Variants in MTARC1 observed in about 807,000 individuals in gnomAD.
MTARC1 encodes mitochondrial amidoxime-reducing component 1.
Under a neutral mutation model 33.6 loss-of-function variants are expected in MTARC1, and 24 were observed. The ratio of observed to expected loss-of-function variants is 0.72; its 90% confidence interval spans 0.52 to 1.01. MTARC1 has a LOEUF of 1.01. Ranked by LOEUF, MTARC1 falls within the 50% of genes least tolerant of loss-of-function variation. MTARC1 has a pLI of 0.00. For synonymous variants in MTARC1, 187 were observed against 189.5 expected (o/e 0.99, Z 0.11); for missense variants, 417 against 445.7 (o/e 0.94, Z 0.58).
intron 6 of MTARC1, 131 bp downstream of exon 6, chr1:220,805,405 C>A: frequency 1.1e-6 from 1 of 924,372 alleles, no homozygotes; most frequent in Non-Finnish European, 1.7e-6. Flanking sequence ...AAGAGGGTCC[C>A]ATTAACGAGA....
rs1195906812 is a variant in MTARC1, at chr1:220,816,264, C to T, written c.*2846C>T. On this transcript the variant is annotated 3_prime_UTR_variant, in exon 7 of 7. Coordinates refer to ENST00000366910, the MANE Select transcript of MTARC1 (RefSeq NM_022746.4). The stretch of plus-strand genomic sequence containing the variant: ...AGTGATGGCAGGCTGAAATTCCAGG[C>T]AAGTGCTCCCAGCATTCCAAGAGTG... 6.6e-6 allele frequency: 1 copy of T among 152,212 alleles called. No homozygotes were observed. Among genetic ancestry groups the T allele is most frequent in the Non-Finnish European group, 1.5e-5 (1 of 68,052 alleles). The allele number at this position is 152,212 out of a possible 1,614,324, so 9.4% of individuals were successfully genotyped here.
chr1:220,788,939 A>G (rs1672331442), intron 1 of MTARC1, among the ~76,000 whole-genome samples: 1 of 152,222 alleles, frequency 6.6e-6, no homozygotes, highest in African/African-American at 2.4e-5. Flanking sequence ...ATAGATGACA[A>G]GAAGAGCTGG....
Position 220,810,400 on chromosome 1 carries a change from C to CG in MTARC1, c.888-2890dup, listed in dbSNP as rs569157411. ...TAGCAAGAGGAGGTGGTGCAGGAGGCGGTGAGAGCCCGCAGCAAAACCAGG... is the reference window on the plus strand; with the variant it reads ...TAGCAAGAGGAGGTGGTGCAGGAGGCGGGTGAGAGCCCGCAGCAAAACCAGG... On this transcript the variant is annotated intron_variant, in intron 6 of 6. Transcript: ENST00000366910. Among the ~76,000 whole-genome samples the CG allele has an allele frequency of 3.8e-4, 58 of 152,274 alleles. 1 individual carries two copies. In the South Asian group the frequency reaches 0.011, roughly 30 times the overall value.
chr1:220,800,024 A>G (rs1672738641), intron 4 of MTARC1, among the ~76,000 whole-genome samples: 1 of 152,162 alleles, frequency 6.6e-6, no homozygotes, highest in African/African-American at 2.4e-5. Flanking sequence ...GATCGACTTT[A>G]AGCTTTCTTT....
In MTARC1 at chr1:220,816,942, G is replaced by T. The variant is rs1224405302; in HGVS notation, c.*3524G>T. On this transcript the variant is annotated 3_prime_UTR_variant, in exon 7 of 7. Transcript: ENST00000366910. ...TTTTTGGATGGATAGGGTGGATCAG[G>T]GTGAGGGAAGGGAAACCAAACTCTC... 1 of 152,216 alleles carries T rather than the reference G, an allele frequency of 6.6e-6. No individual in the cohort carries two copies. The highest frequency in any genetic ancestry group is 1.5e-5 in the Non-Finnish European group (1 of 68,104). The allele number at this position is 152,216 out of a possible 1,614,324, so 9.4% of individuals were successfully genotyped here.
chr1:220,804,915 G>A, intron 4 of MTARC1, 137 bp from the exon 5 acceptor site: 2 of 921,510 alleles, frequency 2.2e-6, no homozygotes, highest in Admixed American at 3.7e-5. Context: ...TGGCAGAGCA[G>A]GGCTGGGGGA....
intron 6 of MTARC1, among the ~76,000 whole-genome samples, chr1:220,811,710 G>A (rs1218578727): frequency 1.3e-5 from 2 of 152,336 alleles, no homozygotes; most frequent in South Asian, 2.1e-4. Context: ...AGTGGGGAAG[G>A]TGGGGGAATC....
chr1:220,805,420 T>C, intron 6 of MTARC1, 146 bp downstream of exon 6: 1 of 811,522 alleles, frequency 1.2e-6, no homozygotes, highest in South Asian at 1.6e-5. Context: ...ACGAGATAAT[T>C]TGGGAAACAT....
Position 220,816,486 on chromosome 1 carries a change from A to G in MTARC1, c.*3068A>G, listed in dbSNP as rs1185748972. The G allele has an allele frequency of 6.6e-6, 1 of 152,200 alleles. No individual in the cohort carries two copies. The highest frequency in any genetic ancestry group is 1.5e-5 in the Non-Finnish European group (1 of 68,042). 9.4% of individuals were successfully genotyped at this position (152,200 alleles called of 1,614,324 possible). ...GCCTTTCGGGATGCTTCTAAAAACAATTCCATGGACCAGTAAGTTTGGAAA... is the reference window on the plus strand; with the variant it reads ...GCCTTTCGGGATGCTTCTAAAAACAGTTCCATGGACCAGTAAGTTTGGAAA... On this transcript the variant is annotated 3_prime_UTR_variant, in exon 7 of 7. Transcript: ENST00000366910.
chr1:220,796,519 T>G, intron 2 of MTARC1, 124 bp from the exon 3 acceptor site: 1 of 1,194,616 alleles, frequency 8.4e-7, no homozygotes, highest in Non-Finnish European at 1.1e-6. Context: ...AATTACATCT[T>G]CTGATAATTA....
chr1:220,811,750 T>C (rs1350046018), intron 6 of MTARC1, among the ~76,000 whole-genome samples: 2 of 152,236 alleles, frequency 1.3e-5, no homozygotes, highest in African/African-American at 4.8e-5. Flanking sequence ...CATCTGCTCA[T>C]GTACCCTCTC....
rs1165144460 is a variant in MTARC1 at position 220,814,435 on chromosome 1, A to G, written c.*1017A>G. 1 of 152,222 alleles carries G rather than the reference A, an allele frequency of 6.6e-6. No individual in the cohort carries two copies. The highest frequency in any genetic ancestry group is 1.9e-4 in the East Asian group (1 of 5,192). 9.4% of individuals were successfully genotyped at this position (152,222 alleles called of 1,614,324 possible). The stretch of plus-strand genomic sequence containing the variant: ...TTCTTGGCACAAAGTTAGACTGTGA[A>G]AGCTGACTGAGGCTGGGCACAGGGG... On this transcript the variant is annotated 3_prime_UTR_variant, in exon 7 of 7. Coordinates refer to ENST00000366910, the MANE Select transcript of MTARC1 (RefSeq NM_022746.4).
At chr1:220,798,250 T>A in intron 4 of MTARC1, 1 of 1,433,894 alleles carries the variant, frequency 7.0e-7, no homozygotes, top group Non-Finnish European at 9.2e-7. Flanking sequence ...TATCTAAGGC[T>A]TCTAAGGAGA....
intron 4 of MTARC1, chr1:220,798,436 G>A (rs369288684): frequency 2.0e-6 from 2 of 985,270 alleles, no homozygotes; most frequent in Non-Finnish European, 2.4e-6. Context: ...GCTGGGTGAG[G>A]GTTGGGAGAG....
intron 4 of MTARC1, among the ~76,000 whole-genome samples, chr1:220,800,012 A>G (rs1238707723): frequency 3.9e-5 from 6 of 152,274 alleles, no homozygotes; most frequent in Admixed American, 3.9e-4. Flanking sequence ...CTTTTTCCCT[A>G]TGATCGACTT....
At chr1:220,788,653 G>A (rs544169242) in intron 1 of MTARC1, among the ~76,000 whole-genome samples, 1 of 152,210 alleles carries the variant, frequency 6.6e-6, no homozygotes, top group African/African-American at 2.4e-5. Context: ...GCCGGGCTTG[G>A]TGGTGGGCGC....
At chr1:220,789,842 A>G (rs756880271) in intron 1 of MTARC1, among the ~76,000 whole-genome samples, 1 of 152,260 alleles carries the variant, frequency 6.6e-6, no homozygotes, top group Non-Finnish European at 1.5e-5. Context: ...AATTCCAATT[A>G]TATGAAATGT....
rs1673204228 is a variant in MTARC1, at chr1:220,813,490, G to T, written c.*72G>T. On this transcript the variant is annotated 3_prime_UTR_variant, in exon 7 of 7. Transcript: ENST00000366910. ...TCAAAAATGACAACACTTGAAGCATGGTGTTTCAGAACTGAGACCTCTACA... is the reference window on the plus strand; with the variant it reads ...TCAAAAATGACAACACTTGAAGCATTGTGTTTCAGAACTGAGACCTCTACA... 1 of 1,578,670 alleles carries T rather than the reference G, an allele frequency of 6.3e-7. No individual in the cohort carries two copies. The highest frequency in any genetic ancestry group is 8.7e-7 in the Non-Finnish European group (1 of 1,155,388).
In MTARC1 at chr1:220,815,539, A is replaced by G. The variant is rs919264173; in HGVS notation, c.*2121A>G. ...CCTTCTGTGCCTCACAGTGTGAGGA[A>G]GATTCCTGTTTGAAGAGAGAAGTTC... On this transcript the variant is annotated 3_prime_UTR_variant, in exon 7 of 7. Coordinates refer to ENST00000366910, the MANE Select transcript of MTARC1 (RefSeq NM_022746.4). 6.6e-6 allele frequency: 1 copy of G among 152,218 alleles called. No individual in the cohort carries two copies. The highest frequency in any genetic ancestry group is 2.4e-5 in the African/African-American group (1 of 41,458). 9.4% of individuals were successfully genotyped at this position (152,218 alleles called of 1,614,324 possible).
Sources: allele counts gnomAD v4.1 joint callset (sites outside exome capture counted in the v4.1 genomes callset), GRCh38; gene constraint gnomAD v4.1.1; transcripts MANE v1.5; gene names NCBI Gene and HGNC (gene_info 2026-07-23, HGNC 2026-07-21).